The following DNER variants were observed in gnomAD, a reference collection of about 807,000 sequenced individuals.
The protein encoded by DNER is delta and Notch-like epidermal growth factor-related receptor.
Under a neutral mutation model 78.2 loss-of-function variants are expected in DNER, and 33 were observed. That is an observed-to-expected ratio of 0.42 (90% CI 0.32 to 0.56). The LOEUF is 0.56. DNER is among the 20% of genes least tolerant of loss of function. The pLI is 0.11. For synonymous variants in DNER, 417 were observed against 384.8 expected (o/e 1.08, Z -0.98); for missense variants, 918 against 975.3 (o/e 0.94, Z 0.78).
At chr2:229,425,028 G>A (rs1693843437) in intron 8 of DNER, among the ~76,000 whole-genome samples, 2 of 152,178 alleles carry the variant, frequency 1.3e-5, no homozygotes, top group East Asian at 3.9e-4. Context: ...AGAGATTTGA[G>A]AACATGAGGG....
intron 11 of DNER, among the ~76,000 whole-genome samples, chr2:229,379,087 C>G (rs766470484): frequency 2.6e-5 from 4 of 152,130 alleles, no homozygotes; most frequent in Non-Finnish European, 1.5e-5. Flanking sequence ...GTGAACACGG[C>G]GTCCAGGTAT....
intron 1 of DNER, among the ~76,000 whole-genome samples, chr2:229,688,212 C>G (rs1341211601): frequency 1.3e-5 from 2 of 152,220 alleles, no homozygotes; most frequent in African/African-American, 2.4e-5. Flanking sequence ...TGCTAAGTCA[C>G]CTTGAAACTC....
intron 1 of DNER, among the ~76,000 whole-genome samples, chr2:229,608,755 C>T (rs796873459): frequency 3.3e-5 from 5 of 152,144 alleles, no homozygotes; most frequent in African/African-American, 1.2e-4. Context: ...AGGGTAGTGG[C>T]AGTGAGGGTG....
intron 8 of DNER, among the ~76,000 whole-genome samples, chr2:229,435,784 A>G (rs1308045701): frequency 1.3e-5 from 2 of 152,214 alleles, no homozygotes; most frequent in African/African-American, 4.8e-5. Flanking sequence ...AATCATCAAC[A>G]TATCATTAAG....
intron 6 of DNER, among the ~76,000 whole-genome samples, chr2:229,502,035 G>A (rs1392957483): frequency 2.0e-5 from 3 of 152,158 alleles, no homozygotes; most frequent in Admixed American, 6.5e-5. Flanking sequence ...TTTTCTAAGA[G>A]TAACGGAAGA....
chr2:229,407,398 A>T, intron 9 of DNER, 53 bp from the exon 10 acceptor site: 1 of 1,542,904 alleles, frequency 6.5e-7, no homozygotes, highest in Non-Finnish European at 8.9e-7. Context: ...TCTGGCTCCC[A>T]TGGCCTCTGA....
chr2:229,619,515 G>A (rs1698218295), intron 1 of DNER, among the ~76,000 whole-genome samples: 1 of 152,174 alleles, frequency 6.6e-6, no homozygotes, highest in Non-Finnish European at 1.5e-5. Context: ...GCCACTGGAT[G>A]GAGTTGGGGG....
At chr2:229,395,025 G>A (rs900432016) in intron 10 of DNER, among the ~76,000 whole-genome samples, 4 of 152,120 alleles carry the variant, frequency 2.6e-5, no homozygotes, top group Admixed American at 2.6e-4. Flanking sequence ...CTCTTTGTGG[G>A]AGGTACCTCT....
chr2:229,647,752 G>A (rs1451388124), intron 1 of DNER, among the ~76,000 whole-genome samples: 1 of 152,166 alleles, frequency 6.6e-6, no homozygotes. Context: ...AGCAATTTTT[G>A]TATGATATGT....
chr2:229,691,759 C>T (rs1365667305), intron 1 of DNER, among the ~76,000 whole-genome samples: 1 of 151,950 alleles, frequency 6.6e-6, no homozygotes, highest in South Asian at 2.1e-4. Flanking sequence ...ATGCATTATG[C>T]AAACACTAAC....
intron 6 of DNER, among the ~76,000 whole-genome samples, chr2:229,496,732 G>A (rs1321798290): frequency 1.3e-5 from 2 of 152,056 alleles, no homozygotes; most frequent in Non-Finnish European, 2.9e-5. Flanking sequence ...AATGACAAAG[G>A]GGTCAATTCA....
At position 229,572,801 on chromosome 2, in the gene DNER, A is replaced by G. The variant is rs192958899; in HGVS notation, c.847+13057T>C. The stretch of plus-strand genomic sequence containing the variant: ...CACTCTTATTCATAATCCCTCAAAA[A>G]GATGAGTAAACATATACAGTGTTTT... On this transcript the variant is annotated intron_variant, in intron 4 of 12. Coordinates refer to ENST00000341772, the MANE Select transcript of DNER (RefSeq NM_139072.4). Among the ~76,000 whole-genome samples the G allele has an allele frequency of 5.9e-5, 9 of 152,358 alleles. No homozygotes were observed. In the East Asian group the frequency reaches 1.7e-3, roughly 29 times the overall value.
intron 1 of DNER, among the ~76,000 whole-genome samples, chr2:229,643,041 C>T (rs1298790204): frequency 6.6e-6 from 1 of 152,042 alleles, no homozygotes; most frequent in Non-Finnish European, 1.5e-5. Context: ...GATGGTGAAA[C>T]CCCATCTCTA....
chr2:229,567,635 C>G (rs1697137725), intron 4 of DNER, among the ~76,000 whole-genome samples: 1 of 152,156 alleles, frequency 6.6e-6, no homozygotes, highest in Non-Finnish European at 1.5e-5. Flanking sequence ...GAGCACAGAG[C>G]CCCAAGCCAA....
chr2:229,371,849 C>G (rs1027591952), intron 11 of DNER, among the ~76,000 whole-genome samples: 3 of 152,088 alleles, frequency 2.0e-5, no homozygotes, highest in Non-Finnish European at 4.4e-5. Context: ...GTTAAAAATA[C>G]CTATGTTATT....
In DNER at chr2:229,477,382, C is replaced by G. The variant is rs899077804; in HGVS notation, c.1148-129G>C. 7.3e-6 allele frequency: 4 copies of G among 544,872 alleles called. No homozygotes were observed. In the African/African-American group the frequency reaches 7.6e-5, roughly 10 times the overall value. 33.8% of individuals were successfully genotyped at this position (544,872 alleles called of 1,614,324 possible). ...AGTGGCAGCCTTCAGCTAAGCTGCT[C>G]CTAGATCTCATTTATTTTTACAAAC... On this transcript the variant is annotated intron_variant, in intron 6 of 12. Coordinates refer to ENST00000341772, the MANE Select transcript of DNER (RefSeq NM_139072.4).
Position 229,591,817 on chromosome 2 carries a change from G to C in DNER, c.348C>G (p.Ser116Arg). 1 of 1,445,214 alleles carries C rather than the reference G, an allele frequency of 6.9e-7. No individual in the cohort carries two copies. Among genetic ancestry groups the C allele is most frequent in the Admixed American group, 2.0e-5 (1 of 49,618 alleles). 89.5% of individuals were successfully genotyped at this position (1,445,214 alleles called of 1,614,324 possible). Residue 116 changes from serine (S) to arginine (R), a missense_variant, in exon 2 of 13, where the codon AGC becomes AGG. Physicochemically the swap from Ser to Arg is moderately radical, Grantham distance 110. Transcript: ENST00000341772. This position sits in a 1 kb window ranked among gnomAD's most constrained non-coding sequence, Gnocchi z 4.6. ...CATTGCAAATGCAGAGGTAGCCATCGCTGCTGCTGCTGCTGCTGCTGCTGC... is the reference window on the plus strand; with the variant it reads ...CATTGCAAATGCAGAGGTAGCCATCCCTGCTGCTGCTGCTGCTGCTGCTGC... Reference protein sequence around the residue: ...GNCSSSSSSSSDGYLCICNEG... With the variant: ...GNCSSSSSSSRDGYLCICNEG...
chr2:229,359,233 C>T (rs954560670), intron 12 of DNER, among the ~76,000 whole-genome samples: 3 of 152,204 alleles, frequency 2.0e-5, no homozygotes, highest in African/African-American at 7.2e-5. Context: ...CACCTATCAC[C>T]TCCCAACCTT....
intron 8 of DNER, among the ~76,000 whole-genome samples, chr2:229,425,519 C>G (rs55839948): frequency 0.01 from 1,565 of 152,202 alleles, 29 homozygotes; most frequent in African/African-American, 0.035. Context: ...TCTTAAGAGT[C>G]ACTCAATTCC....
Sources: allele counts gnomAD v4.1 joint callset (sites outside exome capture counted in the v4.1 genomes callset), GRCh38; gene constraint gnomAD v4.1.1; non-coding constraint Gnocchi (gnomAD v3.1); transcripts MANE v1.5; gene names NCBI Gene and HGNC (gene_info 2026-07-23, HGNC 2026-07-21).